Variants in LDB2 observed in about 807,000 individuals in gnomAD.
LDB2 encodes LIM domain-binding protein 2.
Under a neutral mutation model 44.3 loss-of-function variants are expected in LDB2, and 12 were observed. The observed-to-expected ratio is 0.27, with a 90% CI of 0.17 to 0.44. The LOEUF (loss-of-function observed/expected upper bound fraction) is 0.44. LDB2 is among the 20% of genes least tolerant of loss of function. LDB2 has a pLI of 1.00. For synonymous variants in LDB2, 164 were observed against 174.8 expected, an observed-to-expected ratio of 0.94 and a Z score of 0.49; for missense variants, 344 against 473.5, an observed-to-expected ratio of 0.73 and a Z score of 2.54.
chr4:16,864,797 C>T lies in LDB2; in HGVS notation c.132+33557G>A, dbSNP rs565672999. Among the ~76,000 whole-genome samples the T allele has an allele frequency of 5.9e-5, 9 of 151,882 alleles. 1 individual carries two copies. In the South Asian group the frequency reaches 1.3e-3, roughly 21 times the overall value. ...AAAATTAGCTGGGCGTGGTGGCGGG[C>T]GCCTGTAATCCCAGCTACTTGGGAG... On this transcript the variant is annotated intron_variant, in intron 1 of 7. Transcript: ENST00000304523.
chr4:16,503,561 A>C (rs1718143675), intron 7 of LDB2, among the ~76,000 whole-genome samples: 1 of 152,204 alleles, frequency 6.6e-6, no homozygotes, highest in Non-Finnish European at 1.5e-5. Context: ...AGTCATTAGC[A>C]AAAACCTGCT....
chr4:16,642,763 C>A (rs569254237), intron 2 of LDB2, among the ~76,000 whole-genome samples: 1 of 152,246 alleles, frequency 6.6e-6, no homozygotes, highest in African/African-American at 2.4e-5. Flanking sequence ...TCCTGGAAAG[C>A]AGACATTATC....
At chr4:16,514,001 A>T (rs1395286668) in intron 5 of LDB2, among the ~76,000 whole-genome samples, 1 of 152,182 alleles carries the variant, frequency 6.6e-6, no homozygotes, top group Non-Finnish European at 1.5e-5. Flanking sequence ...TCCAGCAAGG[A>T]TCCTGTCCCA....
At chr4:16,878,126 C>A (rs183465787) in intron 1 of LDB2, among the ~76,000 whole-genome samples, 2 of 152,138 alleles carry the variant, frequency 1.3e-5, no homozygotes, top group African/African-American at 4.8e-5. Flanking sequence ...GGGGAAGGGG[C>A]TTGGGAAGTT....
intron 1 of LDB2, among the ~76,000 whole-genome samples, chr4:16,831,176 T>C (rs78002838): frequency 9.3e-5 from 7 of 75,598 alleles, no homozygotes; most frequent in African/African-American, 2.9e-4. Context: ...TCTCTGAGCT[T>C]TTTTTTTTTT....
At chr4:16,873,498 T>C (rs1421456956) in intron 1 of LDB2, among the ~76,000 whole-genome samples, 4 of 147,324 alleles carry the variant, frequency 2.7e-5, no homozygotes, top group East Asian at 1.9e-4. Flanking sequence ...GTTGATCTTA[T>C]GACAAAAAAA....
At chr4:16,669,796 C>T (rs372388897) in intron 2 of LDB2, among the ~76,000 whole-genome samples, 1 of 152,232 alleles carries the variant, frequency 6.6e-6, no homozygotes, top group South Asian at 2.1e-4. Context: ...TCACTTTCCT[C>T]ATTCACATTT....
At chr4:16,653,099 T>C (rs28618325) in intron 2 of LDB2, among the ~76,000 whole-genome samples, 7,913 of 152,176 alleles carry the variant, frequency 0.052, 268 homozygotes, top group Non-Finnish European at 0.067. Flanking sequence ...CTGTTGTGAG[T>C]GGCTGTGAAA....
intron 2 of LDB2, among the ~76,000 whole-genome samples, chr4:16,688,017 G>A (rs190839666): frequency 3.9e-5 from 6 of 152,270 alleles, no homozygotes; most frequent in South Asian, 2.1e-4. Flanking sequence ...TACATTGAAC[G>A]TTAGCTTCTG....
Position 16,558,436 on chromosome 4 carries a change from G to T in LDB2, c.615+27486C>A, listed in dbSNP as rs997022338. ...ATGCAAAAGCTTCAGGAGCCGATGCGATCAACTGGAAGAAAGGGTATCAGT... is the reference window on the plus strand; with the variant it reads ...ATGCAAAAGCTTCAGGAGCCGATGCTATCAACTGGAAGAAAGGGTATCAGT... On this transcript the variant is annotated intron_variant, in intron 5 of 7. Transcript: ENST00000304523. Among the ~76,000 whole-genome samples the T allele has an allele frequency of 2.0e-5, 3 of 152,306 alleles. No homozygotes were observed. The East Asian group carries it at 5.8e-4, about 29-fold the overall frequency.
chr4:16,645,329 G>A (rs1404786901), intron 2 of LDB2, among the ~76,000 whole-genome samples: 1 of 151,978 alleles, frequency 6.6e-6, no homozygotes, highest in African/African-American at 2.4e-5. Context: ...GAGGTCAGGA[G>A]ATCGAGACCA....
rs1234166440 is a variant in LDB2 at position 16,763,010 on chromosome 4, T to G, written c.133-3750A>C. ...AAACTAGCTTCAGTGGAACATGGGA[T>G]GAATCAACGTCTCAGGAAATTTCAG... is the stretch of plus-strand genomic sequence containing the variant. On this transcript the variant is annotated intron_variant, in intron 1 of 7. Transcript: ENST00000304523. Among the ~76,000 whole-genome samples the G allele has an allele frequency of 2.6e-5, 4 of 151,712 alleles. No homozygotes were observed. In the East Asian group the frequency reaches 7.8e-4, roughly 30 times the overall value.
chr4:16,732,101 T>C (rs1274213594), intron 2 of LDB2, among the ~76,000 whole-genome samples: 2 of 152,190 alleles, frequency 1.3e-5, no homozygotes. Context: ...TGTTTTATTA[T>C]GGATTTGAAC....
intron 2 of LDB2, among the ~76,000 whole-genome samples, chr4:16,652,665 G>T (rs893588263): frequency 1.3e-5 from 2 of 152,204 alleles, no homozygotes; most frequent in Admixed American, 6.5e-5. Flanking sequence ...CTGTCTGTGG[G>T]CTTTGGAAAA....
At chr4:16,733,352 G>T (rs1440840166) in intron 2 of LDB2, among the ~76,000 whole-genome samples, 2 of 135,878 alleles carry the variant, frequency 1.5e-5, no homozygotes, top group Non-Finnish European at 3.4e-5. Flanking sequence ...TTAAGAATTT[G>T]GAAAAAAAAA....
chr4:16,880,465 T>C (rs1188080113), intron 1 of LDB2, among the ~76,000 whole-genome samples: 3 of 152,296 alleles, frequency 2.0e-5, no homozygotes, highest in South Asian at 2.1e-4. Flanking sequence ...GTTTTTCTAG[T>C]TTGCATAGAC....
chr4:16,614,580 C>CAAAAAAAAAAAAAAAAAAAAAAAA (rs1164613202), intron 2 of LDB2, among the ~76,000 whole-genome samples: 5 of 53,794 alleles, frequency 9.3e-5, no homozygotes, highest in African/African-American at 1.9e-4. Context: ...CAAGAAAAAA[C>CAAAAAAAAAAAAAAAAAAAAAAAA]AAAAAAAAAA....
chr4:16,888,707 T>G (rs1475444700), intron 1 of LDB2: 118 of 984,470 alleles, frequency 1.2e-4, no homozygotes, highest in Non-Finnish European at 1.4e-4. Context: ...CCAGAATAAG[T>G]GTATCGTCGT....
intron 2 of LDB2, among the ~76,000 whole-genome samples, chr4:16,612,142 A>G (rs577918397): frequency 1.1e-4 from 16 of 152,328 alleles, no homozygotes; most frequent in African/African-American, 3.8e-4. Flanking sequence ...TTAAGGCAGA[A>G]ATCAAAAAGT....
Sources: gnomAD v4.1 joint callset for allele counts (sites outside exome capture counted in the v4.1 genomes callset) on GRCh38, gnomAD v4.1.1 for gene constraint, MANE v1.5 for transcripts, NCBI Gene and HGNC (gene_info 2026-07-23, HGNC 2026-07-21) for gene names.